Variants in LRFN5 observed in about 807,000 individuals in gnomAD.
LRFN5 encodes the protein leucine rich repeat and fibronectin type III domain containing 5, also known as leucine-rich repeat and fibronectin type-III domain-containing protein 5.
A neutral mutation model predicts 45.6 loss-of-function variants in LRFN5; 24 were observed. That is an observed-to-expected ratio of 0.53 (90% CI 0.38 to 0.74). The LOEUF (loss-of-function observed/expected upper bound fraction) is 0.74, where lower values mean the gene tolerates loss of function less well. Among genes scored for constraint, LRFN5 ranks in the 30% least tolerant of loss-of-function variants. LRFN5 has a pLI of 0.00. For missense variants in LRFN5, 776 were observed against 861.5 expected, an observed-to-expected ratio of 0.90 and a Z score of 1.24; for synonymous variants, 340 against 313.8, an observed-to-expected ratio of 1.08 and a Z score of -0.88.
intron 1 of LRFN5, among the ~76,000 whole-genome samples, chr14:41,725,560 C>T (rs1173888375): frequency 1.3e-5 from 2 of 151,944 alleles, no homozygotes; most frequent in Non-Finnish European, 2.9e-5. Context: ...AGTTGTTGTA[C>T]CATATTTTTG....
chr14:41,860,736 A>G (rs567036757), intron 2 of LRFN5, among the ~76,000 whole-genome samples: 1 of 152,362 alleles, frequency 6.6e-6, no homozygotes, highest in Non-Finnish European at 1.5e-5. Flanking sequence ...CAGGACAGAA[A>G]GACAGAGAAT....
At chr14:41,654,129 A>T (rs1018097998) in intron 1 of LRFN5, among the ~76,000 whole-genome samples, 1 of 152,020 alleles carries the variant, frequency 6.6e-6, no homozygotes, top group Admixed American at 6.6e-5. Flanking sequence ...GCACACCAAC[A>T]TGGCACATGT....
At chr14:41,844,809 C>T (rs752831056) in intron 2 of LRFN5, among the ~76,000 whole-genome samples, 38 of 152,124 alleles carry the variant, frequency 2.5e-4, no homozygotes, top group Non-Finnish European at 5.0e-4. Flanking sequence ...AAGAATTCCA[C>T]TACATATAGT....
At chr14:41,767,251 A>AT (rs201103728) in intron 2 of LRFN5, among the ~76,000 whole-genome samples, 7,074 of 145,598 alleles carry the variant, frequency 0.049, 427 homozygotes, top group East Asian at 0.19. Flanking sequence ...GAATTTTCTG[A>AT]TTTTTTTTTT....
At chr14:41,886,519 A>T (rs1192445298) in intron 2 of LRFN5, 87 bp from the exon 3 acceptor site, 1 of 882,442 alleles carries the variant, frequency 1.1e-6, no homozygotes. Flanking sequence ...TCTATTCTAG[A>T]TTGCATACAA....
At chr14:41,661,716 A>G (rs1338401021) in intron 1 of LRFN5, among the ~76,000 whole-genome samples, 1 of 151,998 alleles carries the variant, frequency 6.6e-6, no homozygotes, top group Non-Finnish European at 1.5e-5. Flanking sequence ...AAGAGTGTCA[A>G]TAAGGCCTTT....
intron 1 of LRFN5, among the ~76,000 whole-genome samples, chr14:41,697,876 A>G (rs1320143220): frequency 6.6e-6 from 1 of 151,958 alleles, no homozygotes; most frequent in South Asian, 2.1e-4. Context: ...GAGTTATTAA[A>G]ATATTTTTAG....
intron 1 of LRFN5, among the ~76,000 whole-genome samples, chr14:41,629,023 G>A (rs1323682818): frequency 6.6e-6 from 1 of 152,104 alleles, no homozygotes; most frequent in African/African-American, 2.4e-5. Context: ...ATCACCAGCT[G>A]CTTTTAAAAA....
At chr14:41,690,490 G>A (rs1263073683) in intron 1 of LRFN5, among the ~76,000 whole-genome samples, 2 of 152,154 alleles carry the variant, frequency 1.3e-5, no homozygotes, top group Non-Finnish European at 2.9e-5. Context: ...GGGAGGTGGA[G>A]GTTGCAGTGA....
At chr14:41,675,555 A>C (rs1251502544) in intron 1 of LRFN5, among the ~76,000 whole-genome samples, 3 of 152,182 alleles carry the variant, frequency 2.0e-5, no homozygotes, top group African/African-American at 7.2e-5. Context: ...TGGCAGCAGT[A>C]CAGTCCAGCT....
At chr14:41,776,851 A>G (rs1886310002) in intron 2 of LRFN5, among the ~76,000 whole-genome samples, 1 of 152,102 alleles carries the variant, frequency 6.6e-6, no homozygotes, top group East Asian at 1.9e-4. Context: ...TTATTTTCAC[A>G]TTTTTTGTGT....
At chr14:41,682,288 T>C (rs1454253598) in intron 1 of LRFN5, among the ~76,000 whole-genome samples, 3 of 151,846 alleles carry the variant, frequency 2.0e-5, no homozygotes, top group African/African-American at 7.3e-5. Context: ...AACAACGACT[T>C]GTCAAGACAT....
At position 41,886,746 on chromosome 14, in the gene LRFN5, G is replaced by T. The variant is rs747377549; in HGVS notation, c.121G>T (p.Gly41Trp). Residue 41 changes from glycine to tryptophan, a missense_variant, in exon 3 of 6, where the codon GGG becomes TGG. Gly to Trp is a radical substitution (Grantham distance 184, BLOSUM62 -2). Transcript: ENST00000298119. The part of the protein sequence containing the change: ...PNLATLCAKK[G>W]LLFVPPNIDR... ...TCTTGCAACCCTTTGTGCCAAGAAAGGGCTTTTATTTGTTCCACCAAACAT... is the reference window on the plus strand; with the variant it reads ...TCTTGCAACCCTTTGTGCCAAGAAATGGCTTTTATTTGTTCCACCAAACAT... The T allele has an allele frequency of 6.2e-7, 1 of 1,614,114 alleles. No individual in the cohort carries two copies. The highest frequency in any genetic ancestry group is 8.5e-7 in the Non-Finnish European group (1 of 1,180,004).
Position 41,697,656 on chromosome 14 carries a change from C to CT in LRFN5, c.-196-69185dup, listed in dbSNP as rs202245507. Among the ~76,000 whole-genome samples the CT allele has an allele frequency of 1.2e-3, 165 of 140,058 alleles. 1 individual carries two copies. The highest frequency in any genetic ancestry group is 2.2e-3 in the South Asian group (10 of 4,468). 91.9% of individuals were successfully genotyped at this position (140,058 alleles called of 152,430 possible). Reference sequence around the variant, plus strand: ...CTAATATGAATATAGCTTCACTGCTCTTTTTTTTTTTTTGATAGGAGAGTT... The same window carrying CT: ...CTAATATGAATATAGCTTCACTGCTCTTTTTTTTTTTTTTGATAGGAGAGTT... On this transcript the variant is annotated intron_variant, in intron 1 of 5. Transcript: ENST00000298119.
chr14:41,758,287 A>G (rs1391292301), intron 1 of LRFN5, among the ~76,000 whole-genome samples: 5 of 152,130 alleles, frequency 3.3e-5, no homozygotes, highest in Admixed American at 3.3e-4. Flanking sequence ...GTTCTTCTGG[A>G]TGTATCTTTT....
chr14:41,800,961 A>G (rs896182154), intron 2 of LRFN5, among the ~76,000 whole-genome samples: 4 of 152,206 alleles, frequency 2.6e-5, no homozygotes, highest in East Asian at 1.9e-4. Flanking sequence ...CTGGATATAC[A>G]TATAAATTAT....
At chr14:41,702,240 C>G (rs1440487266) in intron 1 of LRFN5, among the ~76,000 whole-genome samples, 1 of 152,058 alleles carries the variant, frequency 6.6e-6, no homozygotes, top group African/African-American at 2.4e-5. Context: ...AATGAGGACA[C>G]CAAGACTCAG....
At chr14:41,848,114 G>A (rs565109792) in intron 2 of LRFN5, among the ~76,000 whole-genome samples, 22 of 152,142 alleles carry the variant, frequency 1.4e-4, no homozygotes, top group African/African-American at 4.6e-4. Flanking sequence ...AAGAACCCCA[G>A]TTTAATCAGA....
intron 2 of LRFN5, among the ~76,000 whole-genome samples, chr14:41,842,401 A>G (rs946985324): frequency 6.6e-6 from 1 of 152,138 alleles, no homozygotes; most frequent in East Asian, 1.9e-4. Flanking sequence ...ACTACACTTG[A>G]TTAACTGCAA....
Sources: gnomAD v4.1 joint callset for allele counts (sites outside exome capture counted in the v4.1 genomes callset) on GRCh38, gnomAD v4.1.1 for gene constraint, MANE v1.5 for transcripts, NCBI Gene and HGNC (gene_info 2026-07-23, HGNC 2026-07-21) for gene names.